Variants in ARHGEF10L observed in about 807,000 individuals in gnomAD.
ARHGEF10L encodes the protein Rho guanine nucleotide exchange factor 10 like.
In ARHGEF10L, 69 loss-of-function variants were observed where a neutral mutation model predicts 141.2. That is an observed-to-expected ratio of 0.49 (90% confidence interval 0.40 to 0.60). The LOEUF (loss-of-function observed/expected upper bound fraction) is 0.60. Among genes scored for constraint, ARHGEF10L ranks in the 20% least tolerant of loss-of-function variants. ARHGEF10L has a pLI of 0.00. For synonymous variants in ARHGEF10L, 711 were observed against 718.5 expected (o/e 0.99, Z 0.17); for missense variants, 1,482 against 1,734.3 (o/e 0.85, Z 2.58).
the ARHGEF10L span, among the ~76,000 whole-genome samples, chr1:17,530,987 A>G: frequency 2.6e-5 from 4 of 152,092 alleles, no homozygotes; most frequent in Non-Finnish European, 5.9e-5. Flanking sequence ...CCTGGGTGAC[A>G]CAGCAAGACT....
In ARHGEF10L at chr1:17,660,273, G is replaced by A. The variant is rs375635383; in HGVS notation, c.2860+3565G>A. Reference sequence around the variant, plus strand: ...GTGGTTCGGAGTCCCCCCTTGAGGAGGCAGATGGCATAATGGGTAAGGGAT... The same window carrying A: ...GTGGTTCGGAGTCCCCCCTTGAGGAAGCAGATGGCATAATGGGTAAGGGAT... On this transcript the variant is annotated intron_variant, in intron 25 of 28. Coordinates refer to ENST00000361221, the MANE Select transcript of ARHGEF10L (RefSeq NM_018125.4). Among the ~76,000 whole-genome samples, 36 of 152,332 alleles carry A rather than the reference G, an allele frequency of 2.4e-4. No homozygotes were observed. The South Asian group carries it at 7.5e-3, about 32-fold the overall frequency.
chr1:17,689,610 C>G, intron 27 of ARHGEF10L: 1 of 159,292 alleles, frequency 6.3e-6, no homozygotes, highest in Non-Finnish European at 1.2e-5. Flanking sequence ...CTCCCTCCCT[C>G]CTTCCTCCCT....
At chr1:17,598,725 T>C (rs1185694289) in intron 4 of ARHGEF10L, among the ~76,000 whole-genome samples, 1 of 152,082 alleles carries the variant, frequency 6.6e-6, no homozygotes, top group Non-Finnish European at 1.5e-5. Flanking sequence ...AGATGGAGAC[T>C]TGAACTTGAG....
chr1:17,531,546 G>A, the ARHGEF10L span, among the ~76,000 whole-genome samples: 1 of 152,154 alleles, frequency 6.6e-6, no homozygotes, highest in African/African-American at 2.4e-5. Flanking sequence ...TAACCTCTCT[G>A]GGCCTATTTA....
At chr1:17,662,350 G>T (rs1299680413) in intron 25 of ARHGEF10L, among the ~76,000 whole-genome samples, 1 of 152,190 alleles carries the variant, frequency 6.6e-6, no homozygotes, top group Non-Finnish European at 1.5e-5. Flanking sequence ...TGCAACATCC[G>T]GAGAAGGGCA....
At chr1:17,575,107 G>T (rs867429369) in intron 1 of ARHGEF10L, among the ~76,000 whole-genome samples, 1 of 152,204 alleles carries the variant, frequency 6.6e-6, no homozygotes, top group Non-Finnish European at 1.5e-5. Flanking sequence ...TGTACCCCGG[G>T]CCAGACCCAG....
At position 17,627,002 on chromosome 1, in the gene ARHGEF10L, G is replaced by A. The variant is rs560224673; in HGVS notation, c.1411-328G>A. Among the ~76,000 whole-genome samples, 4 of 152,350 alleles carry A rather than the reference G, an allele frequency of 2.6e-5. No individual in the cohort carries two copies. The highest frequency in any genetic ancestry group is 4.1e-4 in the South Asian group (2 of 4,828). On this transcript the variant is annotated intron_variant, in intron 14 of 28. Coordinates refer to ENST00000361221, the MANE Select transcript of ARHGEF10L (RefSeq NM_018125.4). This position sits in a 1 kb window ranked among gnomAD's most constrained non-coding sequence, Gnocchi z 4.0. ...TGGAGAGACCACATTTTGTTTACGCGTTAGTCTGTCGACGGACATTTTTGC... is the reference window on the plus strand; with the variant it reads ...TGGAGAGACCACATTTTGTTTACGCATTAGTCTGTCGACGGACATTTTTGC...
chr1:17,651,034 G>A (rs2061898827), intron 22 of ARHGEF10L, among the ~76,000 whole-genome samples: 1 of 152,142 alleles, frequency 6.6e-6, no homozygotes, highest in South Asian at 2.1e-4. Context: ...AGTGAGCCAG[G>A]GTCGTGCAAG....
chr1:17,584,011 C>T (rs556485415), intron 2 of ARHGEF10L, among the ~76,000 whole-genome samples: 1 of 152,060 alleles, frequency 6.6e-6, no homozygotes, highest in Admixed American at 6.6e-5. Flanking sequence ...ACCACCACAC[C>T]CAGCCGATTT....
rs1274922182 is a variant in ARHGEF10L, at chr1:17,654,491, CA to C, written c.2395-144del. ...TGTAGGAACTGCCTGGAGAAGCAGG[CA>C]CTCGTGAAGCATGTTGCTTTCCTGG... On this transcript the variant is annotated intron_variant, in intron 22 of 28. Coordinates refer to ENST00000361221, the MANE Select transcript of ARHGEF10L (RefSeq NM_018125.4). This position sits in a 1 kb window ranked among gnomAD's most constrained non-coding sequence, Gnocchi z 4.3. 5 of 750,704 alleles carry C rather than the reference CA, an allele frequency of 6.7e-6. No homozygotes were observed. Among genetic ancestry groups the C allele is most frequent in the Non-Finnish European group, 1.2e-5 (5 of 414,056 alleles). The allele number at this position is 750,704 out of a possible 1,614,324, so 46.5% of individuals were successfully genotyped here.
intron 2 of ARHGEF10L, among the ~76,000 whole-genome samples, chr1:17,581,829 CT>C (rs1416048582): frequency 1.3e-5 from 2 of 150,374 alleles, no homozygotes; most frequent in Admixed American, 6.7e-5. Flanking sequence ...CCCTGCACCC[CT>C]GGGAGAGCCA....
intron 4 of ARHGEF10L, among the ~76,000 whole-genome samples, chr1:17,592,653 A>G (rs1318763574): frequency 6.6e-6 from 1 of 152,168 alleles, no homozygotes; most frequent in Non-Finnish European, 1.5e-5. Context: ...GCTCATGGGA[A>G]GGGCAGGTCA....
chr1:17,574,792 G>C (rs546507301), intron 1 of ARHGEF10L, among the ~76,000 whole-genome samples: 1 of 152,366 alleles, frequency 6.6e-6, no homozygotes, highest in South Asian at 2.1e-4. Context: ...TTGCTGCCCT[G>C]CGTGGGGGAG....
intron 2 of ARHGEF10L, among the ~76,000 whole-genome samples, chr1:17,583,245 G>C (rs1030968661): frequency 2.7e-5 from 4 of 150,148 alleles, no homozygotes; most frequent in Admixed American, 6.7e-5. Context: ...AATGACCTGA[G>C]TCCCTGGACA....
At chr1:17,613,305 A>G in intron 8 of ARHGEF10L, 131 bp downstream of exon 8, 1 of 707,198 alleles carries the variant, frequency 1.4e-6, no homozygotes, top group Non-Finnish European at 2.4e-6. Flanking sequence ...GGCTGTCCTG[A>G]GACCTGGACC....
At chr1:17,581,175 A>G (rs1366555534) in intron 2 of ARHGEF10L, among the ~76,000 whole-genome samples, 1 of 151,858 alleles carries the variant, frequency 6.6e-6, no homozygotes, top group Non-Finnish European at 1.5e-5. Flanking sequence ...TTAGCTGGGT[A>G]TGGTGTGGCA....
At chr1:17,646,578 GCGTGCACA>G (rs1452025984) in intron 21 of ARHGEF10L, among the ~76,000 whole-genome samples, 1 of 152,134 alleles carries the variant, frequency 6.6e-6, no homozygotes, top group Non-Finnish European at 1.5e-5. Flanking sequence ...ACACACGCAC[GCGTGCACA>G]CGTGCACATG....
chr1:17,629,440 G>A (rs772577424), intron 15 of ARHGEF10L, among the ~76,000 whole-genome samples: 15 of 152,162 alleles, frequency 9.9e-5, no homozygotes, highest in African/African-American at 2.4e-4. Context: ...CTGGCTCACC[G>A]ACCCACCTTC....
intron 16 of ARHGEF10L, 81 bp from the exon 17 acceptor site, chr1:17,634,467 G>A (rs1427046999): frequency 4.4e-6 from 7 of 1,607,806 alleles, no homozygotes; most frequent in Non-Finnish European, 5.1e-6. Flanking sequence ...CCCATGGCTG[G>A]CCCCCAGCGG....
Sources: gnomAD v4.1 joint callset for allele counts (sites outside exome capture counted in the v4.1 genomes callset) on GRCh38, gnomAD v4.1.1 for gene constraint, Gnocchi (gnomAD v3.1) non-coding constraint, MANE v1.5 for transcripts, NCBI Gene and HGNC (gene_info 2026-07-23, HGNC 2026-07-21) for gene names.